Variants in FHIT observed in about 807,000 individuals in gnomAD.
The protein encoded by FHIT is bis(5'-adenosyl)-triphosphatase.
A neutral mutation model predicts 17.9 loss-of-function variants in FHIT; 19 were observed. That is an observed-to-expected ratio of 1.06 (90% CI 0.74 to 1.56). The LOEUF (loss-of-function observed/expected upper bound fraction) is 1.56. FHIT is among the 40% of genes most tolerant of loss of function. The probability of loss-of-function intolerance (pLI) is 0.00; values close to 1 mark genes in which losing one functional copy is unlikely to be tolerated. For missense variants in FHIT, 248 were observed against 189.2 expected, an observed-to-expected ratio of 1.31 and a Z score of -1.82; for synonymous variants, 81 against 69.7, an observed-to-expected ratio of 1.16 and a Z score of -0.81.
intron 5 of FHIT, among the ~76,000 whole-genome samples, chr3:60,476,795 C>A (rs138264546): frequency 3.3e-5 from 5 of 151,560 alleles, no homozygotes; most frequent in Non-Finnish European, 7.4e-5. Flanking sequence ...CTGGCCTTGT[C>A]GGAGGTACTT....
intron 3 of FHIT, among the ~76,000 whole-genome samples, chr3:61,004,083 A>G (rs1159780917): frequency 6.6e-6 from 1 of 152,128 alleles, no homozygotes; most frequent in Non-Finnish European, 1.5e-5. Flanking sequence ...CGAATAGAAG[A>G]ATCCCTACCC....
At chr3:60,341,104 C>A (rs1002711042) in intron 5 of FHIT, among the ~76,000 whole-genome samples, 3 of 152,156 alleles carry the variant, frequency 2.0e-5, no homozygotes, top group Non-Finnish European at 4.4e-5. Context: ...GAGCCAAATG[C>A]GGGACTTGAG....
At chr3:60,295,359 G>C (rs1295314272) in intron 5 of FHIT, among the ~76,000 whole-genome samples, 2 of 152,134 alleles carry the variant, frequency 1.3e-5, no homozygotes, top group Non-Finnish European at 2.9e-5. Flanking sequence ...GCAGCATGAT[G>C]CTAACATCTG....
intron 8 of FHIT, among the ~76,000 whole-genome samples, chr3:59,910,657 G>A (rs1367888057): frequency 6.6e-6 from 1 of 152,076 alleles, no homozygotes; most frequent in African/African-American, 2.4e-5. Flanking sequence ...GAAAAAATAG[G>A]GGGAGGAAGG....
At chr3:60,530,229 G>C (rs1289359011) in intron 5 of FHIT, among the ~76,000 whole-genome samples, 1 of 152,172 alleles carries the variant, frequency 6.6e-6, no homozygotes, top group Non-Finnish European at 1.5e-5. Flanking sequence ...TCACCAGAGA[G>C]CAGGCAGCAA....
At position 60,437,084 on chromosome 3, in the gene FHIT, C is replaced by T. The variant is rs183780125; in HGVS notation, c.103+99776G>A. On this transcript the variant is annotated intron_variant, in intron 5 of 9. Transcript: ENST00000492590. ...TCTTCCCCCTGTTCACAGGAGAGGC[C>T]AACTAAAACCTAAAGTTTAGTACAA... Among the ~76,000 whole-genome samples the T allele has an allele frequency of 3.3e-5, 5 of 152,140 alleles. No individual in the cohort carries two copies. In the East Asian group the frequency reaches 9.7e-4, roughly 30 times the overall value.
intron 4 of FHIT, among the ~76,000 whole-genome samples, chr3:60,799,159 C>A (rs1701096609): frequency 6.6e-6 from 1 of 152,038 alleles, no homozygotes; most frequent in South Asian, 2.1e-4. Context: ...CAGATTAAAT[C>A]CAAAGTCTTT....
intron 8 of FHIT, among the ~76,000 whole-genome samples, chr3:59,799,546 C>T (rs1303557744): frequency 6.6e-6 from 1 of 152,096 alleles, no homozygotes; most frequent in Non-Finnish European, 1.5e-5. Flanking sequence ...CCAGCTGGCA[C>T]CTGTGCCTTG....
intron 7 of FHIT, among the ~76,000 whole-genome samples, chr3:59,931,903 G>A (rs921717796): frequency 4.6e-5 from 7 of 151,998 alleles, no homozygotes; most frequent in African/African-American, 1.7e-4. Context: ...GCCACAATGA[G>A]AGTTTAAAGG....
chr3:60,048,504 A>G (rs1195962524), intron 5 of FHIT, among the ~76,000 whole-genome samples: 1 of 152,146 alleles, frequency 6.6e-6, no homozygotes. Flanking sequence ...GGCCTTAGCT[A>G]CAAATGCGGT....
chr3:60,772,330 A>C (rs1219349617), intron 4 of FHIT, among the ~76,000 whole-genome samples: 1 of 27,164 alleles, frequency 3.7e-5, no homozygotes, highest in African/African-American at 4.6e-4. Context: ...ATATATATAT[A>C]TATATATATA....
intron 1 of FHIT, among the ~76,000 whole-genome samples, chr3:61,215,664 C>T (rs2039650314): frequency 6.6e-6 from 1 of 152,060 alleles, no homozygotes. Context: ...CATATGGAAC[C>T]AAAAAAGAGC....
At chr3:60,499,770 C>T (rs948514581) in intron 5 of FHIT, among the ~76,000 whole-genome samples, 2 of 152,092 alleles carry the variant, frequency 1.3e-5, no homozygotes, top group Non-Finnish European at 2.9e-5. Context: ...ACTTGGCTGC[C>T]CATTGTCCCA....
intron 8 of FHIT, among the ~76,000 whole-genome samples, 188 bp from the exon 9 acceptor site, chr3:59,752,509 G>A (rs941768181): frequency 6.6e-6 from 1 of 152,066 alleles, no homozygotes; most frequent in Non-Finnish European, 1.5e-5. Context: ...AAAATAATCA[G>A]ATCATTTGCC....
At position 60,829,376 on chromosome 3, in the gene FHIT, C is replaced by T. The variant is rs1001995528; in HGVS notation, c.-110-7365G>A. On this transcript the variant is annotated intron_variant, in intron 3 of 9. Transcript: ENST00000492590. ...GAATGTTACATATGCCAAATAATTC[C>T]CTTTCTTCTTAGTTGCTGGATATCT... Among the ~76,000 whole-genome samples the T allele has an allele frequency of 2.0e-5, 3 of 152,150 alleles. No homozygotes were observed. In the East Asian group the frequency reaches 5.8e-4, roughly 29 times the overall value.
intron 5 of FHIT, among the ~76,000 whole-genome samples, chr3:60,116,102 A>G (rs978355801): frequency 9.2e-5 from 14 of 152,312 alleles, no homozygotes; most frequent in African/African-American, 3.1e-4. Flanking sequence ...AGCGTTAACT[A>G]TAGACTAGTG....
chr3:60,305,086 T>A (rs1238219402), intron 5 of FHIT, among the ~76,000 whole-genome samples: 2 of 152,252 alleles, frequency 1.3e-5, no homozygotes, highest in African/African-American at 4.8e-5. Context: ...TTGTTTGGAT[T>A]GGGGGCTGGG....
At chr3:59,785,126 G>A (rs1702779755) in intron 8 of FHIT, among the ~76,000 whole-genome samples, 1 of 151,936 alleles carries the variant, frequency 6.6e-6, no homozygotes, top group African/African-American at 2.4e-5. Flanking sequence ...GGCATCAAGG[G>A]GATTCATGAG....
At chr3:60,083,990 C>T (rs570707597) in intron 5 of FHIT, among the ~76,000 whole-genome samples, 5 of 152,072 alleles carry the variant, frequency 3.3e-5, no homozygotes, top group South Asian at 2.1e-4. Context: ...ATAACTGGCA[C>T]GTTTATGTAT....
Sources: gnomAD v4.1 joint callset for allele counts (sites outside exome capture counted in the v4.1 genomes callset) on GRCh38, gnomAD v4.1.1 for gene constraint, MANE v1.5 for transcripts, NCBI Gene and HGNC (gene_info 2026-07-23, HGNC 2026-07-21) for gene names.